Variants in KLHL32 observed in about 807,000 individuals in gnomAD.
KLHL32 encodes the protein kelch like family member 32, also known as kelch-like protein 32.
KLHL32 carries 35 observed loss-of-function variants against 64.8 expected under a neutral mutation model. The observed-to-expected ratio is 0.54, with a 90% CI of 0.41 to 0.72. The LOEUF (loss-of-function observed/expected upper bound fraction) is 0.72, where lower values mean the gene tolerates loss of function less well. KLHL32 is among the 30% of genes least tolerant of loss of function. The probability of loss-of-function intolerance (pLI) is 0.00; values close to 1 mark genes in which losing one functional copy is unlikely to be tolerated. For missense variants in KLHL32, 589 were observed against 768.5 expected (o/e 0.77, Z 2.76); for synonymous variants, 259 against 281.0 (o/e 0.92, Z 0.78).
At chr6:96,934,694 A>G (rs1770363365) in intron 1 of KLHL32, among the ~76,000 whole-genome samples, 1 of 152,256 alleles carries the variant, frequency 6.6e-6, no homozygotes, top group South Asian at 2.1e-4. Context: ...AGTTGTCCAT[A>G]TGGTAGCTCG....
chr6:97,099,536 C>A (rs1795424225), intron 6 of KLHL32, among the ~76,000 whole-genome samples: 1 of 152,228 alleles, frequency 6.6e-6, no homozygotes, highest in South Asian at 2.1e-4. Context: ...TCTTTTGCAA[C>A]AGCTACTACC....
intron 6 of KLHL32, among the ~76,000 whole-genome samples, chr6:97,093,704 G>A (rs775991831): frequency 4.6e-5 from 7 of 150,968 alleles, no homozygotes; most frequent in Admixed American, 2.0e-4. Flanking sequence ...TCAGAGCCCA[G>A]AAACTGAGGC....
chr6:96,912,091 C>T, the KLHL32 span, among the ~76,000 whole-genome samples: 3 of 152,086 alleles, frequency 2.0e-5, no homozygotes, highest in Non-Finnish European at 2.9e-5. Context: ...CTGAACTCAT[C>T]ATCTTCCCCC....
At chr6:97,136,773 G>A (rs1800069487) in intron 10 of KLHL32, among the ~76,000 whole-genome samples, 1 of 152,202 alleles carries the variant, frequency 6.6e-6, no homozygotes, top group Admixed American at 6.5e-5. Flanking sequence ...AACTGCCAAT[G>A]CTTCCTTTTC....
intron 3 of KLHL32, among the ~76,000 whole-genome samples, chr6:97,001,052 CAG>C (rs1778964483): frequency 6.6e-6 from 1 of 152,170 alleles, no homozygotes; most frequent in African/African-American, 2.4e-5. Context: ...AGATGGAGCA[CAG>C]GGGATTTTTA....
chr6:96,942,735 AAG>A (rs966012628), intron 1 of KLHL32, among the ~76,000 whole-genome samples: 1 of 150,548 alleles, frequency 6.6e-6, no homozygotes, highest in African/African-American at 2.4e-5. Flanking sequence ...CTCAAGGAAG[AAG>A]AGAGAGGGGA....
chr6:97,052,062 A>T (rs2128137090), intron 4 of KLHL32, among the ~76,000 whole-genome samples: 1 of 152,346 alleles, frequency 6.6e-6, no homozygotes, highest in East Asian at 1.9e-4. Context: ...AATATAACAT[A>T]CTTACACAAA....
intron 3 of KLHL32, among the ~76,000 whole-genome samples, chr6:97,027,289 A>G (rs1782865517): frequency 6.6e-6 from 1 of 152,212 alleles, no homozygotes; most frequent in South Asian, 2.1e-4. Context: ...CATGACAGAC[A>G]TTATGACTAG....
intron 4 of KLHL32, among the ~76,000 whole-genome samples, chr6:97,045,640 A>G (rs945158401): frequency 2.6e-5 from 4 of 152,232 alleles, no homozygotes; most frequent in East Asian, 1.9e-4. Flanking sequence ...TAAAATACAC[A>G]TGCAAATATA....
At chr6:97,039,559 C>T (rs1314932653) in intron 3 of KLHL32, among the ~76,000 whole-genome samples, 1 of 105,840 alleles carries the variant, frequency 9.4e-6, no homozygotes, top group Non-Finnish European at 2.0e-5. Context: ...CAGTGGTTCA[C>T]GCCTGTAATC....
At chr6:97,125,795 G>A (rs974323295) in intron 7 of KLHL32, among the ~76,000 whole-genome samples, 1 of 152,084 alleles carries the variant, frequency 6.6e-6, no homozygotes, top group East Asian at 1.9e-4. Context: ...AAAAGTTACC[G>A]TCCTACATTC....
intron 3 of KLHL32, among the ~76,000 whole-genome samples, chr6:97,022,686 T>C (rs1365128059): frequency 6.6e-6 from 1 of 152,154 alleles, no homozygotes; most frequent in East Asian, 1.9e-4. Context: ...GCCAGGCTGG[T>C]CTCGAACTCC....
chr6:96,947,230 A>G (rs568727564), intron 1 of KLHL32, among the ~76,000 whole-genome samples: 1 of 152,316 alleles, frequency 6.6e-6, no homozygotes, highest in South Asian at 2.1e-4. Context: ...ACTGTAGCCA[A>G]TCAAGTAATT....
At chr6:96,960,539 A>G (rs1042834304) in intron 1 of KLHL32, among the ~76,000 whole-genome samples, 1 of 152,228 alleles carries the variant, frequency 6.6e-6, no homozygotes, top group East Asian at 1.9e-4. Context: ...GTATTACACT[A>G]AAACATTATC....
chr6:96,978,076 G>A (rs533097800), intron 3 of KLHL32, among the ~76,000 whole-genome samples: 19 of 152,216 alleles, frequency 1.2e-4, no homozygotes, highest in Admixed American at 5.9e-4. Context: ...TTAATGGACC[G>A]TAATATAGCC....
the KLHL32 span, among the ~76,000 whole-genome samples, chr6:96,916,982 AC>A: frequency 6.6e-6 from 1 of 152,202 alleles, no homozygotes; most frequent in Non-Finnish European, 1.5e-5. Flanking sequence ...AATAGGAACA[AC>A]CCTGAACCCT....
chr6:96,961,328 C>T (rs1166581622), intron 1 of KLHL32, among the ~76,000 whole-genome samples: 1 of 152,218 alleles, frequency 6.6e-6, no homozygotes, highest in African/African-American at 2.4e-5. Flanking sequence ...CTTCACCAGT[C>T]TCTTATATGT....
chr6:97,073,930 C>A (rs1791169417), intron 5 of KLHL32, among the ~76,000 whole-genome samples: 1 of 152,146 alleles, frequency 6.6e-6, no homozygotes, highest in African/African-American at 2.4e-5. Context: ...CTTTTTCCTG[C>A]TGCACATCAA....
At chr6:96,991,740 C>T (rs1777898933) in intron 3 of KLHL32, among the ~76,000 whole-genome samples, 1 of 152,166 alleles carries the variant, frequency 6.6e-6, no homozygotes, top group African/African-American at 2.4e-5. Context: ...AAAGTAGTAG[C>T]TTGCCTGTTA....
Sources: gnomAD v4.1 joint callset for allele counts (sites outside exome capture counted in the v4.1 genomes callset) on GRCh38, gnomAD v4.1.1 for gene constraint, MANE v1.5 for transcripts, NCBI Gene and HGNC (gene_info 2026-07-23, HGNC 2026-07-21) for gene names.